Variants in PHRF1 observed in about 807,000 individuals in gnomAD.
PHRF1 encodes PHD and RING finger domain-containing protein 1.
Under a neutral mutation model 128.9 loss-of-function variants are expected in PHRF1, and 53 were observed. That is an observed-to-expected ratio of 0.41 (90% CI 0.33 to 0.52). The LOEUF (loss-of-function observed/expected upper bound fraction) is 0.52, where lower values mean the gene tolerates loss of function less well. PHRF1 is among the 20% of genes least tolerant of loss of function. The pLI, the probability that PHRF1 is intolerant of heterozygous loss-of-function variation, is 0.21. For synonymous variants in PHRF1, 1,178 were observed against 980.6 expected (o/e 1.20, Z -3.76); for missense variants, 2,503 against 2,284.5 (o/e 1.10, Z -1.95).
At position 608,575 on chromosome 11, in the gene PHRF1, A is replaced by T. The variant is rs1856116149; in HGVS notation, c.3119A>T (p.Glu1040Val). 1 of 1,612,248 alleles carries T rather than the reference A, an allele frequency of 6.2e-7. No homozygotes were observed. Residue 1040 changes from glutamate to valine, a missense_variant, in exon 14 of 18, where the codon GAG becomes GTG. Physicochemically the swap from Glu to Val is moderately radical, Grantham distance 121. Transcript: ENST00000264555. The stretch of plus-strand genomic sequence containing the variant: ...TCAGCGTCACCATCAGTGGGTGAGG[A>T]GCGCCCCAGGAGGCAGCGGTCCAAG... ...SRSASPSVGE[E>V]RPRRQRSKAK...
intron 9 of PHRF1, among the ~76,000 whole-genome samples, chr11:599,953 G>A (rs1049194472): frequency 6.6e-6 from 1 of 152,200 alleles, no homozygotes; most frequent in Non-Finnish European, 1.5e-5. Flanking sequence ...ATATTCCATT[G>A]TATGAATATA....
chr11:577,566 C>T (rs779684033), intron 1 of PHRF1, among the ~76,000 whole-genome samples: 1 of 152,248 alleles, frequency 6.6e-6, no homozygotes, highest in Admixed American at 6.5e-5. Context: ...ACAAGCCTGG[C>T]CTTGGCCCTC....
At chr11:601,503 G>A in intron 9 of PHRF1, 71 bp from the exon 10 acceptor site, 3 of 1,601,474 alleles carry the variant, frequency 1.9e-6, no homozygotes, top group Non-Finnish European at 1.7e-6. Flanking sequence ...CGTCCACTGG[G>A]CTGGACTCAC....
intron 3 of PHRF1, among the ~76,000 whole-genome samples, chr11:586,540 G>A (rs938083122): frequency 6.6e-5 from 10 of 152,300 alleles, no homozygotes; most frequent in African/African-American, 1.4e-4. Flanking sequence ...CACCCACACC[G>A]AGTCTGCTCC....
At chr11:576,683 ACCGCGGGGCGAGGCCTGCGCCGCGCTGG>A (rs1466160244) in intron 1 of PHRF1, 91 bp downstream of exon 1, 7 of 141,146 alleles carry the variant, frequency 5.0e-5, no homozygotes, top group Admixed American at 4.8e-4. Flanking sequence ...TGCGGCCTGC[ACCGCGGGGCGAGGCCTGCGCCGCGCTGG>A]CCGCGGGCCG....
chr11:591,257 A>G (rs1424431233), intron 4 of PHRF1, 127 bp from the exon 5 acceptor site: 3 of 822,496 alleles, frequency 3.6e-6, no homozygotes, highest in Non-Finnish European at 5.9e-6. Flanking sequence ...CCGTGTTGCC[A>G]GCAGCTTAGT....
chr11:592,595 G>A lies in PHRF1; in HGVS notation c.541G>A (p.Glu181Lys). The change falls in exon 6 of 18, where the codon GAG (glutamate) becomes AAG (lysine). Residue 181 changes from glutamate (E) to lysine (K), a missense_variant. Glu to Lys is a moderately conservative substitution (Grantham distance 56). Coordinates refer to ENST00000264555, the MANE Select transcript of PHRF1 (RefSeq NM_001286581.2). Reference protein sequence around the residue: ...VENTKASEEEEDPTFCEVCGR... With the variant: ...VENTKASEEEKDPTFCEVCGR... ...GAACACCAAAGCGAGCGAGGAGGAG[G>A]AGGACCCGACCTTCTGTGAGGTGTG... The A allele has an allele frequency of 6.2e-7, 1 of 1,614,094 alleles. No homozygotes were observed. Among genetic ancestry groups the A allele is most frequent in the Non-Finnish European group, 8.5e-7 (1 of 1,179,908 alleles).
Position 576,535 on chromosome 11 carries a change from C to A in PHRF1, c.-79C>A. On this transcript the variant is annotated 5_prime_UTR_variant, in exon 1 of 18. Transcript: ENST00000264555. ...GCGGCGGCCGGGCCTAGGAGCGACT[C>A]TCGGTCGTGCAGCGGCGGCGAGCGC... 1 of 152,634 alleles carries A rather than the reference C, an allele frequency of 6.6e-6. No homozygotes were observed. Among genetic ancestry groups the A allele is most frequent in the South Asian group, 1.8e-4 (1 of 5,412 alleles). The allele number at this position is 152,634 out of a possible 1,614,324, so 9.5% of individuals were successfully genotyped here. A position where few individuals can be genotyped will look rare whatever the true frequency, so the allele number is the denominator to read the frequency against.
intron 13 of PHRF1, 80 bp downstream of exon 13, chr11:606,676 T>G: frequency 6.7e-7 from 1 of 1,486,048 alleles, no homozygotes; most frequent in Non-Finnish European, 8.9e-7. Flanking sequence ...AGCCCATGTC[T>G]CAGTCACGGA....
Position 597,640 on chromosome 11 carries a change from G to T in PHRF1, c.894+70G>T. ...CAGAGTGATCTCGGCAGTCTGGGTGGGTGGGAGGGGCGTCGTCGGCACTGT... is the reference window on the plus strand; with the variant it reads ...CAGAGTGATCTCGGCAGTCTGGGTGTGTGGGAGGGGCGTCGTCGGCACTGT... On this transcript the variant is annotated intron_variant, in intron 8 of 17. Transcript: ENST00000264555. The surrounding 1 kb of genome is among the most constrained non-coding windows in gnomAD (Gnocchi z 6.5). 6.6e-7 allele frequency: 1 copy of T among 1,509,890 alleles called. No individual in the cohort carries two copies. The highest frequency in any genetic ancestry group is 8.9e-7 in the Non-Finnish European group (1 of 1,121,442). The allele number at this position is 1,509,890 out of a possible 1,614,324, so 93.5% of individuals were successfully genotyped here.
chr11:589,622 C>T (rs1204552504), intron 4 of PHRF1, among the ~76,000 whole-genome samples: 1 of 152,236 alleles, frequency 6.6e-6, no homozygotes, highest in Non-Finnish European at 1.5e-5. Flanking sequence ...GGGCTGCTCA[C>T]AGCACACACA....
rs187562964 is a variant in PHRF1, at chr11:610,826, G to T, written c.4677+65G>T. The T allele has an allele frequency of 1.6e-3, 2,616 of 1,585,984 alleles. 9 individuals carry two copies. The highest frequency in any genetic ancestry group is 1.9e-3 in the Non-Finnish European group (2,246 of 1,166,836). On this transcript the variant is annotated intron_variant, in intron 16 of 17. Coordinates refer to ENST00000264555, the MANE Select transcript of PHRF1 (RefSeq NM_001286581.2). The stretch of plus-strand genomic sequence containing the variant: ...TTACTTTGAAACTAAAGTTGTTGGG[G>T]CTGAGTTTATGGGCGGAAGCTGGTC...
At position 602,754 on chromosome 11, in the gene PHRF1, TGTTTTTG is replaced by T. The variant is rs1239693655; in HGVS notation, c.1152+1054_1152+1060del. ...GTGTTTGCTGAATCTTTTTTGGTTT[TGTTTTTG>T]TTTTTTTTGTTTTTTTTTTTGAGAT... On this transcript the variant is annotated intron_variant, in intron 10 of 17. Transcript: ENST00000264555. Among the ~76,000 whole-genome samples the T allele has an allele frequency of 9.4e-3, 1,362 of 144,280 alleles. 20 individuals are homozygous for T. The highest frequency in any genetic ancestry group is 0.038 in the African/African-American group (1,289 of 34,258). The allele number at this position is 144,280 out of a possible 152,430, so 94.7% of individuals were successfully genotyped here.
At chr11:587,218 T>A (rs1439030990) in intron 3 of PHRF1, 41 bp from the exon 4 acceptor site, 2 of 1,598,058 alleles carry the variant, frequency 1.3e-6, no homozygotes, top group Non-Finnish European at 1.7e-6. Context: ...CGGTTCACGC[T>A]GCCCATCCTG....
At position 612,011 on chromosome 11, in the gene PHRF1, A is replaced by G. The variant is rs372569946; in HGVS notation, c.*234A>G. 9.9e-5 allele frequency: 56 copies of G among 567,820 alleles called. 1 individual carries two copies. The highest frequency in any genetic ancestry group is 9.2e-4 in the Middle Eastern group (2 of 2,178). 35.2% of individuals were successfully genotyped at this position (567,820 alleles called of 1,614,324 possible). A position where few individuals can be genotyped will look rare whatever the true frequency, so the allele number is the denominator to read the frequency against. On this transcript the variant is annotated 3_prime_UTR_variant, in exon 18 of 18. Transcript: ENST00000264555. ...CTGGACACTTTTGTATGTATATTAT[A>G]GAGACACTGTTTCCATTCTAATTTA...
chr11:597,618 AGT>A lies in PHRF1; in HGVS notation c.894+50_894+51del. 2.3e-6 allele frequency: 3 copies of A among 1,322,734 alleles called. No homozygotes were observed. The highest frequency in any genetic ancestry group is 2.0e-5 in the Admixed American group (1 of 48,966). The allele number at this position is 1,322,734 out of a possible 1,614,324, so 81.9% of individuals were successfully genotyped here. A position where few individuals can be genotyped will look rare whatever the true frequency, so the allele number is the denominator to read the frequency against. Reference sequence around the variant, plus strand: ...CAGTCGTAGAACCCCAGCTGCCCAGAGTGATCTCGGCAGTCTGGGTGGGTGGG... The same window carrying A: ...CAGTCGTAGAACCCCAGCTGCCCAGAGATCTCGGCAGTCTGGGTGGGTGGG... On this transcript the variant is annotated intron_variant, in intron 8 of 17. Coordinates refer to ENST00000264555, the MANE Select transcript of PHRF1 (RefSeq NM_001286581.2). This position sits in a 1 kb window ranked among gnomAD's most constrained non-coding sequence, Gnocchi z 6.5.
In PHRF1 at chr11:598,395, C is replaced by A. The variant is rs765863584; in HGVS notation, c.917C>A (p.Ser306Tyr). Reference protein sequence around the residue: ...RVQHTPGRLGSSLLDEAIEAV... With the variant: ...RVQHTPGRLGYSLLDEAIEAV... ...TAGCACACACCAGGGCGCCTCGGGT[C>A]TTCCCTGCTGGATGAAGCCATCGAG... Residue 306 changes from serine to tyrosine, a missense_variant, in exon 9 of 18, where the codon TCT (serine) becomes TAT (tyrosine). Transcript: ENST00000264555. 4 of 1,610,562 alleles carry A rather than the reference C, an allele frequency of 2.5e-6. No homozygotes were observed. In the Admixed American group the frequency reaches 6.7e-5, roughly 27 times the overall value.
chr11:607,202 G>A lies in PHRF1; in HGVS notation c.1746G>A (p.Gly582=). ...GPSGNRPQST[G]LSCQGRSRTP... is the part of the protein sequence containing the mutation. ...CAGGAAACAGGCCACAGAGCACAGG[G>A]CTCAGCTGTCAAGGCAGGTCCCGCA... The change falls in exon 14 of 18, where the codon GGG becomes GGA. Residue 582 remains glycine (G), a synonymous_variant. Coordinates refer to ENST00000264555, the MANE Select transcript of PHRF1 (RefSeq NM_001286581.2). The A allele has an allele frequency of 1.9e-6, 3 of 1,612,488 alleles. No homozygotes were observed. The highest frequency in any genetic ancestry group is 2.5e-6 in the Non-Finnish European group (3 of 1,179,750).
rs1335932735 is a variant in PHRF1 at position 609,193 on chromosome 11, T to C, written c.3737T>C (p.Leu1246Pro). ...DKAPLQAPPV[L>P]EVAAECEPDD... ...GCCCCCCTGCAGGCTCCCCCTGTCC[T>C]GGAGGTGGCAGCTGAGTGTGAGCCG... Residue 1246 changes from leucine to proline, a missense_variant, in exon 14 of 18, where the codon CTG becomes CCG. By Grantham distance (98) the Leu-to-Pro change is moderately conservative. Coordinates refer to ENST00000264555, the MANE Select transcript of PHRF1 (RefSeq NM_001286581.2). 6.2e-7 allele frequency: 1 copy of C among 1,608,100 alleles called. No individual in the cohort carries two copies. Among genetic ancestry groups the C allele is most frequent in the Non-Finnish European group, 8.5e-7 (1 of 1,179,700 alleles).
Sources: gnomAD v4.1 joint callset for allele counts (sites outside exome capture counted in the v4.1 genomes callset) on GRCh38, gnomAD v4.1.1 for gene constraint, Gnocchi (gnomAD v3.1) non-coding constraint, MANE v1.5 for transcripts, NCBI Gene and HGNC (gene_info 2026-07-23, HGNC 2026-07-21) for gene names.